The following TECPR2 variants were observed in gnomAD, a reference collection of about 807,000 sequenced individuals.
TECPR2 encodes the protein tectonin beta-propeller repeat containing 2.
Under a neutral mutation model 138.1 loss-of-function variants are expected in TECPR2, and 65 were observed. The ratio of observed to expected loss-of-function variants is 0.47; its 90% CI spans 0.39 to 0.58. TECPR2 has a LOEUF of 0.58. TECPR2 is among the 20% of genes least tolerant of loss of function. TECPR2 has a pLI of 0.00. For missense variants in TECPR2, 1,553 were observed against 1,824.5 expected, an observed-to-expected ratio of 0.85 and a Z score of 2.71; for synonymous variants, 746 against 749.8, an observed-to-expected ratio of 0.99 and a Z score of 0.08.
intron 17 of TECPR2, among the ~76,000 whole-genome samples, chr14:102,467,715 G>A (rs564557496): frequency 1.3e-5 from 2 of 152,258 alleles, no homozygotes; most frequent in South Asian, 4.1e-4. Flanking sequence ...ATAGTAGTTG[G>A]AAAGTGGTAT....
intron 17 of TECPR2, among the ~76,000 whole-genome samples, chr14:102,466,684 A>G (rs1890556093): frequency 6.6e-6 from 1 of 152,188 alleles, no homozygotes; most frequent in South Asian, 2.1e-4. Context: ...ATAACATAAA[A>G]TTTCAGCCTT....
chr14:102,422,672 G>A (rs1889216889), intron 5 of TECPR2, among the ~76,000 whole-genome samples: 1 of 152,184 alleles, frequency 6.6e-6, no homozygotes, highest in Non-Finnish European at 1.5e-5. Context: ...AAAAAGTGAG[G>A]AAATGATAAA....
chr14:102,408,548 C>A lies in TECPR2; in HGVS notation c.409C>A (p.Pro137Thr). 6.2e-7 allele frequency: 1 copy of A among 1,613,396 alleles called. No individual in the cohort carries two copies. Among genetic ancestry groups the A allele is most frequent in the Non-Finnish European group, 8.5e-7 (1 of 1,179,776 alleles). The change falls in exon 4 of 20, where the codon CCC becomes ACC. Residue 137 changes from proline to threonine, a missense_variant. Coordinates refer to ENST00000359520, the MANE Select transcript of TECPR2 (RefSeq NM_014844.5). ...TAGCATTACAGCTCTGGCTTGGAGC[C>A]CCAATGGAATGAAATTGTTCTCTGG... ...KNSITALAWS[P>T]NGMKLFSGDD...
At chr14:102,412,485 T>C (rs1019028841) in intron 4 of TECPR2, among the ~76,000 whole-genome samples, 2 of 152,086 alleles carry the variant, frequency 1.3e-5, no homozygotes, top group South Asian at 2.1e-4. Context: ...ATCAACATCA[T>C]TGTAATCGGG....
At chr14:102,434,175 TA>T (rs2139730206) in intron 8 of TECPR2, 59 bp from the exon 9 acceptor site, 1 of 1,320,882 alleles carries the variant, frequency 7.6e-7, no homozygotes, top group East Asian at 2.8e-5. Context: ...GTGTGCAAGT[TA>T]GTCTCTTACT....
At chr14:102,496,191 A>G (rs1282148398) in intron 17 of TECPR2, among the ~76,000 whole-genome samples, 1 of 152,186 alleles carries the variant, frequency 6.6e-6, no homozygotes, top group Non-Finnish European at 1.5e-5. Flanking sequence ...GGGTTCCAGA[A>G]AAGCAGGCAG....
intron 1 of TECPR2, among the ~76,000 whole-genome samples, chr14:102,373,411 A>T (rs1347272186): frequency 6.6e-6 from 1 of 152,236 alleles, no homozygotes; most frequent in Non-Finnish European, 1.5e-5. Context: ...TACATGAGAT[A>T]TGCAACACTT....
At chr14:102,373,741 C>T (rs550432390) in intron 1 of TECPR2, among the ~76,000 whole-genome samples, 2 of 152,052 alleles carry the variant, frequency 1.3e-5, no homozygotes, top group East Asian at 1.9e-4. Context: ...AGTTCTCATA[C>T]GTGGATATGT....
chr14:102,479,832 C>A (rs961931011), intron 17 of TECPR2, among the ~76,000 whole-genome samples: 5 of 152,358 alleles, frequency 3.3e-5, no homozygotes, highest in African/African-American at 1.2e-4. Flanking sequence ...ACTTCCTTCC[C>A]AGCTGGCCTG....
intron 5 of TECPR2, among the ~76,000 whole-genome samples, chr14:102,423,776 GA>G (rs1421810448): frequency 1.3e-5 from 2 of 152,170 alleles, no homozygotes; most frequent in Non-Finnish European, 2.9e-5. Context: ...ATTTCAGAAA[GA>G]AAAAATATCA....
In TECPR2 at chr14:102,425,014, T is replaced by C. The variant is rs752929874; in HGVS notation, c.674T>C (p.Leu225Pro). The C allele has an allele frequency of 6.2e-7, 1 of 1,613,820 alleles. No homozygotes were observed. The highest frequency in any genetic ancestry group is 8.5e-7 in the Non-Finnish European group (1 of 1,179,930). Residue 225 changes from leucine to proline, a missense_variant, in exon 6 of 20, where the codon CTC becomes CCC. Transcript: ENST00000359520. ...TTTGGTGCTTGTTTTATACCAGGAC[T>C]CTGTAAGCAAAGTGATCTAACCTTG... ...GKFGACFIPG[L>P]CKQSDLTLYA...
intron 5 of TECPR2, among the ~76,000 whole-genome samples, chr14:102,423,821 G>C (rs967396251): frequency 1.3e-5 from 2 of 152,204 alleles, no homozygotes; most frequent in African/African-American, 4.8e-5. Context: ...TGGTGCCTCT[G>C]ATGGGTTTAG....
intron 5 of TECPR2, among the ~76,000 whole-genome samples, chr14:102,418,576 G>A (rs936987363): frequency 1.3e-5 from 2 of 152,336 alleles, no homozygotes; most frequent in African/African-American, 2.4e-5. Context: ...TGTGGAGCAC[G>A]GTGTGGGGAG....
rs753581977 is a variant in TECPR2, at chr14:102,497,704, G to A, written c.4066G>A (p.Val1356Met). Reference protein sequence around the residue: ...GDYWKKIPGSVSCFTVTASDE... With the variant: ...GDYWKKIPGSMSCFTVTASDE... ...CTACTGGAAGAAAATTCCCGGCAGC[G>A]TGTCGTGTTTCACAGGCAGGTGCCC... Residue 1356 changes from valine (V) to methionine (M), a missense_variant, in exon 19 of 20, where the codon GTG (valine) becomes ATG (methionine). Coordinates refer to ENST00000359520, the MANE Select transcript of TECPR2 (RefSeq NM_014844.5). 25 of 1,606,336 alleles carry A rather than the reference G, an allele frequency of 1.6e-5. No homozygotes were observed. The African/African-American group carries it at 1.9e-4, about 12-fold the overall frequency.
At chr14:102,471,151 T>C (rs1278377226) in intron 17 of TECPR2, among the ~76,000 whole-genome samples, 6 of 151,562 alleles carry the variant, frequency 4.0e-5, no homozygotes, top group East Asian at 2.0e-4. Flanking sequence ...AGGGTTTCAC[T>C]ATGTTGGCCA....
In TECPR2 at chr14:102,440,680, G is replaced by A. The variant is rs1478967011; in HGVS notation, c.2752+71G>A. 7.8e-6 allele frequency: 12 copies of A among 1,530,354 alleles called. No individual in the cohort carries two copies. The Admixed American group carries it at 1.0e-4, about 13-fold the overall frequency. 94.8% of individuals were successfully genotyped at this position (1,530,354 alleles called of 1,614,324 possible). ...GCCTCTGCTGCACCCTGCTTTGCTA[G>A]TAACATGCTTACCACAATCGCTATG... On this transcript the variant is annotated intron_variant, in intron 11 of 19. Transcript: ENST00000359520.
Position 102,431,924 on chromosome 14 carries a change from G to A in TECPR2, c.1213G>A (p.Glu405Lys), listed in dbSNP as rs148556964. The change falls in exon 8 of 20, where the codon GAG (glutamate) becomes AAG (lysine). Residue 405 changes from glutamate (E) to lysine (K), a missense_variant. Coordinates refer to ENST00000359520, the MANE Select transcript of TECPR2 (RefSeq NM_014844.5). ...GSSMASSVAS[E>K]PRSRSSSLNS... ...TTCCATGGCCAGCTCCGTGGCCAGC[G>A]AGCCAAGGAGCAGGAGCAGCTCGCT... 34 of 1,610,894 alleles carry A rather than the reference G, an allele frequency of 2.1e-5. No homozygotes were observed. The East Asian group carries it at 2.9e-4, about 14-fold the overall frequency.
chr14:102,437,681 C>T (rs1238323537), intron 9 of TECPR2, among the ~76,000 whole-genome samples: 1 of 152,152 alleles, frequency 6.6e-6, no homozygotes, highest in Non-Finnish European at 1.5e-5. Flanking sequence ...GAACCTGGCT[C>T]TTTGTGTAAG....
Position 102,420,677 on chromosome 14 carries a change from C to CCCT in TECPR2, c.639-4300_639-4299insTCC, listed in dbSNP as rs1889155722. ...GTAGAGATGGTGTCTCTCTAGGTCACCCAGGCTGTTGTCAAACTCCTGGGC... is the reference window on the plus strand; with the variant it reads ...GTAGAGATGGTGTCTCTCTAGGTCACCCTCCAGGCTGTTGTCAAACTCCTGGGC... On this transcript the variant is annotated intron_variant, in intron 5 of 19. Coordinates refer to ENST00000359520, the MANE Select transcript of TECPR2 (RefSeq NM_014844.5). The surrounding 1 kb of genome is among the most constrained non-coding windows in gnomAD (Gnocchi z 4.1). Among the ~76,000 whole-genome samples, 1 of 152,114 alleles carries CCCT rather than the reference C, an allele frequency of 6.6e-6. No individual in the cohort carries two copies. Among genetic ancestry groups the CCCT allele is most frequent in the African/African-American group, 2.4e-5 (1 of 41,418 alleles).
Sources: allele counts gnomAD v4.1 joint callset (sites outside exome capture counted in the v4.1 genomes callset), GRCh38; gene constraint gnomAD v4.1.1; non-coding constraint Gnocchi (gnomAD v3.1); transcripts MANE v1.5; gene names NCBI Gene and HGNC (gene_info 2026-07-23, HGNC 2026-07-21).